Variants in NRXN3 observed in about 807,000 individuals in gnomAD.
The protein encoded by NRXN3 is neurexin III.
A neutral mutation model predicts 137.6 loss-of-function variants in NRXN3; 32 were observed. The ratio of observed to expected loss-of-function variants is 0.23; its 90% CI spans 0.18 to 0.31. The LOEUF (loss-of-function observed/expected upper bound fraction) is 0.31, where lower values mean the gene tolerates loss of function less well. Among genes scored for constraint, NRXN3 ranks in the 10% least tolerant of loss-of-function variants. The probability of loss-of-function intolerance (pLI) is 1.00; values close to 1 mark genes in which losing one functional copy is unlikely to be tolerated. For missense variants in NRXN3, 1,574 were observed against 2,062.5 expected, an observed-to-expected ratio of 0.76 and a Z score of 4.59; for synonymous variants, 798 against 784.5, an observed-to-expected ratio of 1.02 and a Z score of -0.29.
chr14:79,232,294 C>A (rs2072380648), intron 15 of NRXN3, among the ~76,000 whole-genome samples: 1 of 151,894 alleles, frequency 6.6e-6, no homozygotes, highest in East Asian at 1.9e-4. Flanking sequence ...GTGCGTGCTC[C>A]AAGTTCATCC....
chr14:79,351,712 A>G (rs948049383), intron 15 of NRXN3, among the ~76,000 whole-genome samples: 2 of 152,206 alleles, frequency 1.3e-5, no homozygotes, highest in South Asian at 2.1e-4. Context: ...GATCAGTTCT[A>G]TTATCATCTC....
chr14:79,651,083 G>A (rs1053783399), intron 16 of NRXN3, among the ~76,000 whole-genome samples: 3 of 152,182 alleles, frequency 2.0e-5, no homozygotes, highest in Non-Finnish European at 4.4e-5. Flanking sequence ...TAATAGGATG[G>A]ATCAGTGTCC....
intron 16 of NRXN3, among the ~76,000 whole-genome samples, chr14:79,537,818 T>G (rs1044895901): frequency 1.1e-4 from 17 of 152,176 alleles, no homozygotes; most frequent in Admixed American, 5.9e-4. Context: ...CTAATGGGAT[T>G]GCTGGGTCAA....
chr14:78,839,938 T>C (rs2099007411), intron 10 of NRXN3, among the ~76,000 whole-genome samples: 1 of 152,334 alleles, frequency 6.6e-6, no homozygotes, highest in African/African-American at 2.4e-5. Flanking sequence ...TTTTTATGCT[T>C]CCTTTATAGA....
At chr14:79,424,876 C>T (rs982189876) in intron 15 of NRXN3, among the ~76,000 whole-genome samples, 33 of 152,064 alleles carry the variant, frequency 2.2e-4, no homozygotes, top group African/African-American at 7.5e-4. Context: ...TCCTGACTTT[C>T]TTTTTTAATT....
intron 10 of NRXN3, among the ~76,000 whole-genome samples, chr14:78,918,779 G>A (rs1345947660): frequency 1.3e-5 from 2 of 151,996 alleles, no homozygotes; most frequent in Non-Finnish European, 2.9e-5. Context: ...TGTAACAGTT[G>A]CCTGCAGTAT....
chr14:78,421,592 T>G (rs755890278), intron 4 of NRXN3, among the ~76,000 whole-genome samples: 1 of 152,132 alleles, frequency 6.6e-6, no homozygotes, highest in Non-Finnish European at 1.5e-5. Context: ...AGTATATCCA[T>G]CTCTCTTTCC....
intron 4 of NRXN3, among the ~76,000 whole-genome samples, chr14:78,519,915 C>T (rs970564268): frequency 6.6e-6 from 1 of 152,110 alleles, no homozygotes; most frequent in Non-Finnish European, 1.5e-5. Context: ...AATATTTATA[C>T]CCTAATACTA....
rs568473563 is a variant in NRXN3 at position 79,229,734 on chromosome 14, C to T, written c.3263-237487C>T. On this transcript the variant is annotated intron_variant, in intron 15 of 20. Coordinates refer to ENST00000335750, the MANE Select transcript of NRXN3 (RefSeq NM_001330195.2). Reference sequence around the variant, plus strand: ...AGCAGCTCACTTGGATATAATTTGCCAGCTGTCCGTCTTGTCCTCGTGCGT... The same window carrying T: ...AGCAGCTCACTTGGATATAATTTGCTAGCTGTCCGTCTTGTCCTCGTGCGT... 2.0e-5 allele frequency among the ~76,000 whole-genome samples: 3 copies of T among 152,220 alleles called. No individual in the cohort carries two copies. In the East Asian group the frequency reaches 5.8e-4, roughly 29 times the overall value.
chr14:78,524,455 C>T (rs116151768), intron 4 of NRXN3, among the ~76,000 whole-genome samples: 33 of 152,322 alleles, frequency 2.2e-4, no homozygotes, highest in African/African-American at 7.2e-4. Flanking sequence ...CAGTGATTCT[C>T]GAGCTCAGGT....
intron 4 of NRXN3, among the ~76,000 whole-genome samples, chr14:78,560,437 A>T (rs2096775995): frequency 6.6e-6 from 1 of 152,220 alleles, no homozygotes; most frequent in Non-Finnish European, 1.5e-5. Context: ...GATGTGTTTC[A>T]TAATGCATGA....
At chr14:78,520,337 C>A (rs1306679881) in intron 4 of NRXN3, among the ~76,000 whole-genome samples, 3 of 152,130 alleles carry the variant, frequency 2.0e-5, no homozygotes, top group African/African-American at 7.2e-5. Context: ...TTGCTTTTCT[C>A]CCAGATATTT....
chr14:79,625,860 G>A (rs1603246815), intron 16 of NRXN3, among the ~76,000 whole-genome samples: 1 of 152,252 alleles, frequency 6.6e-6, no homozygotes, highest in East Asian at 1.9e-4. Context: ...TTCCAGCTCT[G>A]TAGACTTGGG....
intron 8 of NRXN3, among the ~76,000 whole-genome samples, chr14:78,729,681 C>T (rs779103891): frequency 1.3e-5 from 2 of 152,158 alleles, no homozygotes; most frequent in Non-Finnish European, 2.9e-5. Context: ...CATATTTACC[C>T]ACATGTACAA....
intron 6 of NRXN3, among the ~76,000 whole-genome samples, chr14:78,692,850 G>C (rs541976626): frequency 6.7e-5 from 10 of 149,744 alleles, no homozygotes; most frequent in African/African-American, 2.5e-4. Context: ...GGAGGCCGAG[G>C]TGGGTGGATC....
chr14:78,764,510 G>A (rs1048427498), intron 8 of NRXN3, among the ~76,000 whole-genome samples: 8 of 152,124 alleles, frequency 5.3e-5, no homozygotes, highest in Non-Finnish European at 1.0e-4. Flanking sequence ...CAACATGTGG[G>A]AAACATACCT....
rs531944255 is a variant in NRXN3 at position 78,777,511 on chromosome 14, T to C, written c.2045-26109T>C. ...ATTCATAACATGTATTCATCAGCCA[T>C]GTACTAGCTACTGTGTCAAACAGTA... On this transcript the variant is annotated intron_variant, in intron 8 of 20. Coordinates refer to ENST00000335750, the MANE Select transcript of NRXN3 (RefSeq NM_001330195.2). 2.6e-5 allele frequency among the ~76,000 whole-genome samples: 4 copies of C among 152,318 alleles called. No homozygotes were observed. In the South Asian group the frequency reaches 6.2e-4, roughly 24 times the overall value.
chr14:79,420,854 TAGAACTA>T (rs1259855742), intron 15 of NRXN3, among the ~76,000 whole-genome samples: 3 of 152,050 alleles, frequency 2.0e-5, no homozygotes, highest in Non-Finnish European at 4.4e-5. Flanking sequence ...GGAGTGGTAG[TAGAACTA>T]ATAGCAGCAA....
intron 15 of NRXN3, among the ~76,000 whole-genome samples, chr14:79,332,515 A>G (rs1292703817): frequency 1.3e-5 from 2 of 152,220 alleles, no homozygotes; most frequent in African/African-American, 2.4e-5. Context: ...GACCAGATTT[A>G]AATGGCATCT....
Sources: allele counts gnomAD v4.1 joint callset (sites outside exome capture counted in the v4.1 genomes callset), GRCh38; gene constraint gnomAD v4.1.1; transcripts MANE v1.5; gene names NCBI Gene and HGNC (gene_info 2026-07-23, HGNC 2026-07-21).